SH3RF2: variants seen among roughly 807,000 people sequenced by gnomAD.
SH3RF2 encodes the protein SH3 domain containing ring finger 2.
In SH3RF2, 43 loss-of-function variants were observed where a neutral mutation model predicts 59.0. The observed-to-expected ratio is 0.73, with a 90% CI of 0.57 to 0.94. The LOEUF (loss-of-function observed/expected upper bound fraction) is 0.94. Among genes scored for constraint, SH3RF2 ranks in the 40% least tolerant of loss-of-function variants. SH3RF2 has a pLI of 0.00. For missense variants in SH3RF2, 930 were observed against 940.1 expected, an observed-to-expected ratio of 0.99 and a Z score of 0.14; for synonymous variants, 391 against 391.5, an observed-to-expected ratio of 1.00 and a Z score of 0.01.
At chr5:145,964,136 C>CCTTT (rs996915936) in intron 2 of SH3RF2, among the ~76,000 whole-genome samples, 5 of 151,354 alleles carry the variant, frequency 3.3e-5, no homozygotes, top group Admixed American at 6.6e-5. Context: ...CCGGCCTCTT[C>CCTTT]CTTTCTTTCC....
intron 2 of SH3RF2, chr5:145,997,996 A>G (rs1760238824): frequency 2.7e-6 from 2 of 737,746 alleles, no homozygotes; most frequent in Non-Finnish European, 2.5e-6. Flanking sequence ...ATAGACAAGT[A>G]TAGCACTGGA....
At chr5:145,989,044 G>A (rs78565156) in intron 2 of SH3RF2, among the ~76,000 whole-genome samples, 4,257 of 152,276 alleles carry the variant, frequency 0.028, 207 homozygotes, top group African/African-American at 0.097. Context: ...TCAGTGGAGT[G>A]AACCCACAGG....
rs975304684 is a variant in SH3RF2 at position 146,056,638 on chromosome 5, G to A, written c.1555+425G>A. ...GTGGGAGTAGGAAATGAGGATTAAG[G>A]AGGCAGTGATCAGAGCCCCTGATTC... On this transcript the variant is annotated intron_variant, in intron 8 of 9. Transcript: ENST00000359120. Among the ~76,000 whole-genome samples, 5 of 152,208 alleles carry A rather than the reference G, an allele frequency of 3.3e-5. No homozygotes were observed. The East Asian group carries it at 9.6e-4, about 29-fold the overall frequency.
chr5:145,976,872 G>T (rs1165569334), intron 2 of SH3RF2, among the ~76,000 whole-genome samples: 2 of 152,208 alleles, frequency 1.3e-5, no homozygotes, highest in African/African-American at 2.4e-5. Flanking sequence ...CTGTTGTTTC[G>T]GTTAGAGCCT....
chr5:145,974,310 C>T (rs1471081211), intron 2 of SH3RF2, among the ~76,000 whole-genome samples: 1 of 152,130 alleles, frequency 6.6e-6, no homozygotes, highest in Non-Finnish European at 1.5e-5. Flanking sequence ...TATCTCATCA[C>T]CTTTTTTATG....
chr5:145,941,826 A>C (rs888164767), intron 2 of SH3RF2, among the ~76,000 whole-genome samples: 5 of 152,184 alleles, frequency 3.3e-5, no homozygotes, highest in Non-Finnish European at 7.3e-5. Context: ...GTGAGAAATA[A>C]GTGAGATGAT....
At chr5:145,946,656 C>T (rs962252598) in intron 2 of SH3RF2, among the ~76,000 whole-genome samples, 1 of 152,168 alleles carries the variant, frequency 6.6e-6, no homozygotes, top group Non-Finnish European at 1.5e-5. Flanking sequence ...GATCTCTTAG[C>T]TCATGAGTCG....
chr5:145,967,413 T>G (rs1561714763), intron 2 of SH3RF2, among the ~76,000 whole-genome samples: 2 of 152,190 alleles, frequency 1.3e-5, no homozygotes. Context: ...AAAGCAGTAT[T>G]TATTCAGTAC....
At chr5:145,943,313 C>T (rs987062293) in intron 2 of SH3RF2, among the ~76,000 whole-genome samples, 2 of 150,836 alleles carry the variant, frequency 1.3e-5, no homozygotes, top group African/African-American at 2.4e-5. Flanking sequence ...AGAAATAGGT[C>T]AGTGGTAGCC....
At chr5:146,014,283 G>C (rs571737368) in intron 5 of SH3RF2, among the ~76,000 whole-genome samples, 30 of 152,220 alleles carry the variant, frequency 2.0e-4, no homozygotes, top group Non-Finnish European at 4.0e-4. Context: ...TTTTACAGTT[G>C]AGCGAACTTA....
In SH3RF2 at chr5:146,006,037, A is replaced by C. The variant is rs553296766; in HGVS notation, c.744+1884A>C. Among the ~76,000 whole-genome samples the C allele has an allele frequency of 1.1e-4, 17 of 152,286 alleles. No individual in the cohort carries two copies. In the Middle Eastern group the frequency reaches 0.01, roughly 91 times the overall value. On this transcript the variant is annotated intron_variant, in intron 4 of 9. Transcript: ENST00000359120. ...GCCTGCTATGCCAGGACCTGTGCCT[A>C]GTTCTAAAGACACAAGACAAACATG...
chr5:146,007,087 G>T (rs760801214), intron 4 of SH3RF2, among the ~76,000 whole-genome samples: 1 of 152,320 alleles, frequency 6.6e-6, no homozygotes, highest in East Asian at 1.9e-4. Context: ...GAAACACTGG[G>T]TATCATTGCC....
chr5:145,946,862 G>A (rs1170036247), intron 2 of SH3RF2, among the ~76,000 whole-genome samples: 1 of 152,134 alleles, frequency 6.6e-6, no homozygotes, highest in Non-Finnish European at 1.5e-5. Context: ...AACTGACCTG[G>A]CCTCCAATAT....
chr5:146,012,697 A>G (rs1241512396), intron 4 of SH3RF2, among the ~76,000 whole-genome samples: 1 of 152,194 alleles, frequency 6.6e-6, no homozygotes, highest in Non-Finnish European at 1.5e-5. Context: ...TTATTGCACT[A>G]ACTCTTGTTT....
At chr5:146,032,129 A>G (rs1289745844) in intron 5 of SH3RF2, among the ~76,000 whole-genome samples, 1 of 152,196 alleles carries the variant, frequency 6.6e-6, no homozygotes, top group Non-Finnish European at 1.5e-5. Flanking sequence ...TTTGTTTTGT[A>G]TATGAGTATC....
At chr5:146,025,452 C>T (rs1761495466) in intron 5 of SH3RF2, among the ~76,000 whole-genome samples, 1 of 152,258 alleles carries the variant, frequency 6.6e-6, no homozygotes, top group Non-Finnish European at 1.5e-5. Flanking sequence ...GTCTGGTTCC[C>T]ACACTTGAGC....
chr5:146,055,590 C>G, intron 7 of SH3RF2, among the ~76,000 whole-genome samples: 1 of 152,196 alleles, frequency 6.6e-6, no homozygotes, highest in East Asian at 1.9e-4. Flanking sequence ...GAAAAAGTCA[C>G]TGACTCAACA....
intron 2 of SH3RF2, among the ~76,000 whole-genome samples, chr5:145,980,023 A>C (rs1055606074): frequency 1.3e-5 from 2 of 152,232 alleles, no homozygotes; most frequent in Non-Finnish European, 2.9e-5. Context: ...GGCAATGCTC[A>C]GTAATTGGGA....
At chr5:145,977,044 C>G (rs1364038755) in intron 2 of SH3RF2, among the ~76,000 whole-genome samples, 1 of 152,244 alleles carries the variant, frequency 6.6e-6, no homozygotes, top group East Asian at 1.9e-4. Context: ...CAGCTCATGA[C>G]CTCAGCCAGT....
Sources: gnomAD v4.1 joint callset for allele counts (sites outside exome capture counted in the v4.1 genomes callset) on GRCh38, gnomAD v4.1.1 for gene constraint, MANE v1.5 for transcripts, NCBI Gene and HGNC (gene_info 2026-07-23, HGNC 2026-07-21) for gene names.